Variants in ANK3 observed in about 807,000 individuals in gnomAD.
ANK3 encodes the protein ankyrin 3.
ANK3 carries 57 observed loss-of-function variants against 370.9 expected under a neutral mutation model. The observed-to-expected ratio is 0.15, with a 90% CI of 0.12 to 0.19. The LOEUF (loss-of-function observed/expected upper bound fraction) is 0.19. Ranked by LOEUF, ANK3 falls within the 10% of genes least tolerant of loss-of-function variation. The probability of loss-of-function intolerance (pLI) is 1.00; values close to 1 mark genes in which losing one functional copy is unlikely to be tolerated. For missense variants in ANK3, 4,439 were observed against 5,302.1 expected, an observed-to-expected ratio of 0.84 and a Z score of 5.06; for synonymous variants, 1,929 against 1,946.3, an observed-to-expected ratio of 0.99 and a Z score of 0.23.
intron 1 of ANK3, among the ~76,000 whole-genome samples, chr10:60,684,139 A>G (rs900977284): frequency 3.3e-5 from 5 of 152,266 alleles, no homozygotes; most frequent in African/African-American, 1.2e-4. Flanking sequence ...CATTAAATAA[A>G]GAAAACATGA....
chr10:60,464,768 T>C (rs1438200476), intron 2 of ANK3, among the ~76,000 whole-genome samples: 2 of 152,164 alleles, frequency 1.3e-5, no homozygotes, highest in African/African-American at 4.8e-5. Flanking sequence ...TTTAATTAGG[T>C]GCAATGTGTG....
chr10:60,164,915 GA>G (rs2095586317), intron 23 of ANK3, among the ~76,000 whole-genome samples: 1 of 152,126 alleles, frequency 6.6e-6, no homozygotes, highest in African/African-American at 2.4e-5. Flanking sequence ...AGATTTTAAA[GA>G]AAAGATGCAT....
chr10:60,688,348 G>A (rs1403655798), intron 1 of ANK3, among the ~76,000 whole-genome samples: 2 of 152,284 alleles, frequency 1.3e-5, no homozygotes, highest in Middle Eastern at 3.4e-3. Flanking sequence ...TTACAGGCAT[G>A]AGCCATCATG....
At chr10:60,354,276 T>C (rs2057391845) in intron 1 of ANK3, among the ~76,000 whole-genome samples, 2 of 152,148 alleles carry the variant, frequency 1.3e-5, no homozygotes, top group South Asian at 2.1e-4. Context: ...CCAAGATGCA[T>C]GGCACATCTG....
intron 43 of ANK3, among the ~76,000 whole-genome samples, chr10:60,036,512 T>G (rs2075035097): frequency 1.5e-5 from 2 of 135,960 alleles, no homozygotes; most frequent in South Asian, 5.2e-4. Context: ...CTAGGCTCAC[T>G]GAAAGCTCCA....
At chr10:60,584,426 C>T (rs567530132) in intron 2 of ANK3, among the ~76,000 whole-genome samples, 2 of 144,818 alleles carry the variant, frequency 1.4e-5, no homozygotes, top group Non-Finnish European at 3.0e-5. Context: ...CAAGGACAGC[C>T]GAGGCAACAA....
intron 2 of ANK3, among the ~76,000 whole-genome samples, chr10:60,484,739 C>T (rs2075306598): frequency 6.6e-6 from 1 of 152,088 alleles, no homozygotes; most frequent in Non-Finnish European, 1.5e-5. Flanking sequence ...CAACTTCCAC[C>T]TATCACACAT....
At chr10:60,577,092 G>A (rs2077692052) in intron 2 of ANK3, among the ~76,000 whole-genome samples, 1 of 152,188 alleles carries the variant, frequency 6.6e-6, no homozygotes, top group South Asian at 2.1e-4. Context: ...TGGGGTTTTG[G>A]TATTTACTTT....
At chr10:60,063,370 C>T in intron 39 of ANK3, 116 bp from the exon 40 acceptor site, 1 of 1,005,884 alleles carries the variant, frequency 9.9e-7, no homozygotes, top group Non-Finnish European at 1.4e-6. Context: ...CTCCTTCTTA[C>T]TCCATCTCTG....
chr10:60,694,751 TA>T (rs1412165834), intron 1 of ANK3, among the ~76,000 whole-genome samples: 2 of 151,728 alleles, frequency 1.3e-5, no homozygotes, highest in African/African-American at 4.9e-5. Flanking sequence ...AAGGAAGCGC[TA>T]AACATGGAAA....
chr10:60,569,323 A>G (rs1295189738), intron 2 of ANK3, among the ~76,000 whole-genome samples: 1 of 152,170 alleles, frequency 6.6e-6, no homozygotes, highest in African/African-American at 2.4e-5. Context: ...TTTTTATTTT[A>G]CTTTCCTAGT....
At chr10:60,536,396 A>C (rs2076725286) in intron 2 of ANK3, among the ~76,000 whole-genome samples, 2 of 152,124 alleles carry the variant, frequency 1.3e-5, no homozygotes, top group African/African-American at 4.8e-5. Context: ...ATGATGTAAC[A>C]GCAAAAAATT....
At chr10:60,446,879 C>T (rs1449143884) in intron 2 of ANK3, among the ~76,000 whole-genome samples, 6 of 152,138 alleles carry the variant, frequency 3.9e-5, no homozygotes, top group African/African-American at 1.2e-4. Context: ...GGAAGTGAAG[C>T]ACCACTTAAG....
At chr10:60,092,347 C>T (rs556725047) in intron 28 of ANK3, among the ~76,000 whole-genome samples, 68 of 152,216 alleles carry the variant, frequency 4.5e-4, no homozygotes, top group African/African-American at 1.5e-3. Flanking sequence ...TTATCAGATA[C>T]GTGAGGCTGA....
At position 60,109,923 on chromosome 10, in the gene ANK3, A is replaced by G. The variant is rs183428225; in HGVS notation, c.2949-869T>C. On this transcript the variant is annotated intron_variant, in intron 26 of 43. Transcript: ENST00000280772. ...ATCATCACAGAGTTATAACACAGTT[A>G]TCGTTATCACAGAGTTATAAGTAAA... Among the ~76,000 whole-genome samples, 16 of 152,346 alleles carry G rather than the reference A, an allele frequency of 1.1e-4. No individual in the cohort carries two copies. The East Asian group carries it at 3.1e-3, about 29-fold the overall frequency.
At chr10:60,472,009 T>C (rs905675514) in intron 2 of ANK3, among the ~76,000 whole-genome samples, 5 of 152,258 alleles carry the variant, frequency 3.3e-5, no homozygotes, top group Non-Finnish European at 7.4e-5. Context: ...ATGCTCAGAA[T>C]TTATTTCGGG....
intron 1 of ANK3, among the ~76,000 whole-genome samples, chr10:60,282,271 T>C (rs1170585495): frequency 1.3e-5 from 2 of 152,178 alleles, no homozygotes; most frequent in East Asian, 3.9e-4. Context: ...AATAGAGGTA[T>C]TATAATTCAA....
At chr10:60,188,867 G>A (rs943736135) in intron 16 of ANK3, among the ~76,000 whole-genome samples, 2 of 152,122 alleles carry the variant, frequency 1.3e-5, no homozygotes, top group Non-Finnish European at 2.9e-5. Context: ...ACTGATGCCC[G>A]CAGAGCCAAA....
intron 1 of ANK3, among the ~76,000 whole-genome samples, chr10:60,316,395 T>C (rs534315537): frequency 4.0e-4 from 61 of 152,338 alleles, no homozygotes; most frequent in African/African-American, 1.5e-3. Context: ...TAAAGTTTGC[T>C]TGGCTCCTTC....
Sources: gnomAD v4.1 joint callset for allele counts (sites outside exome capture counted in the v4.1 genomes callset) on GRCh38, gnomAD v4.1.1 for gene constraint, MANE v1.5 for transcripts, NCBI Gene and HGNC (gene_info 2026-07-23, HGNC 2026-07-21) for gene names.